RSPO3: variants seen among roughly 807,000 people sequenced by gnomAD.
RSPO3 encodes R-spondin 3, also known as R-spondin-3.
Under a neutral mutation model 36.5 loss-of-function variants are expected in RSPO3, and 17 were observed. The observed-to-expected ratio is 0.47, with a 90% CI of 0.32 to 0.70. RSPO3 has a LOEUF of 0.70. Ranked by LOEUF, RSPO3 falls within the 30% of genes least tolerant of loss-of-function variation. The probability of loss-of-function intolerance (pLI) is 0.04; values close to 1 mark genes in which losing one functional copy is unlikely to be tolerated. For synonymous variants in RSPO3, 108 were observed against 107.0 expected (o/e 1.01, Z -0.06); for missense variants, 294 against 322.5 (o/e 0.91, Z 0.68).
At chr6:127,124,562 GT>G (rs34997338) in intron 1 of RSPO3, among the ~76,000 whole-genome samples, 71,888 of 148,528 alleles carry the variant, frequency 0.48, 17,118 homozygotes, top group East Asian at 0.53. Context: ...AAATTGCACA[GT>G]TTTTTTTTTT....
At position 127,199,034 on chromosome 6, in the gene RSPO3, C is replaced by T. The variant is rs748878804; in HGVS notation, c.*3027C>T. Reference sequence around the variant, plus strand: ...GAAGAAAAAGCATATATAAATACAGCTAAAAACAAGAATAGATATTCATTC... The same window carrying T: ...GAAGAAAAAGCATATATAAATACAGTTAAAAACAAGAATAGATATTCATTC... On this transcript the variant is annotated 3_prime_UTR_variant, in exon 5 of 5. Transcript: ENST00000356698. 5.3e-5 allele frequency among the ~76,000 whole-genome samples: 8 copies of T among 152,126 alleles called. No homozygotes were observed. Among genetic ancestry groups the T allele is most frequent in the Non-Finnish European group, 7.4e-5 (5 of 68,026 alleles).
At position 127,197,522 on chromosome 6, in the gene RSPO3, G is replaced by A; in HGVS notation, c.*1515G>A. On this transcript the variant is annotated 3_prime_UTR_variant, in exon 5 of 5. Transcript: ENST00000356698. ...GAGGTATCTCTGAGTGTGCAGCACA[G>A]AATCGCATGACCCACCTTAACCTTC... 4 of 1,550,376 alleles carry A rather than the reference G, an allele frequency of 2.6e-6. No individual in the cohort carries two copies. The highest frequency in any genetic ancestry group is 3.5e-6 in the Non-Finnish European group (4 of 1,146,896).
rs1219879606 is a variant in RSPO3 at position 127,198,970 on chromosome 6, G to C, written c.*2963G>C. ...CTCTAATGTTATTGAATTAAAAGCT[G>C]TTCACATTAGTGGTTATTAAATATT... On this transcript the variant is annotated 3_prime_UTR_variant, in exon 5 of 5. Transcript: ENST00000356698. Among the ~76,000 whole-genome samples, 1 of 151,638 alleles carries C rather than the reference G, an allele frequency of 6.6e-6. No individual in the cohort carries two copies. The highest frequency in any genetic ancestry group is 6.5e-5 in the Admixed American group (1 of 15,274).
At chr6:127,139,005 A>T (rs1774215313) in intron 1 of RSPO3, among the ~76,000 whole-genome samples, 1 of 152,150 alleles carries the variant, frequency 6.6e-6, no homozygotes, top group Non-Finnish European at 1.5e-5. Context: ...GCAGGGAGCC[A>T]TGCACATAAG....
intron 4 of RSPO3, among the ~76,000 whole-genome samples, chr6:127,172,729 T>C (rs1021813004): frequency 6.6e-6 from 1 of 151,944 alleles, no homozygotes; most frequent in Middle Eastern, 3.4e-3. Flanking sequence ...TACATAATTA[T>C]CTCATTTAAA....
chr6:127,121,168 C>CAGAGG (rs1562238005), intron 1 of RSPO3, among the ~76,000 whole-genome samples: 1 of 152,178 alleles, frequency 6.6e-6, no homozygotes, highest in Non-Finnish European at 1.5e-5. Context: ...TACTGAGTGT[C>CAGAGG]AGAGGCGTCT....
intron 3 of RSPO3, among the ~76,000 whole-genome samples, chr6:127,154,026 G>A (rs1483238730): frequency 1.3e-5 from 2 of 152,136 alleles, no homozygotes; most frequent in Non-Finnish European, 2.9e-5. Context: ...ATAAAGTCAT[G>A]TATTTAATCA....
chr6:127,167,514 G>T (rs1244799826), intron 4 of RSPO3, among the ~76,000 whole-genome samples: 1 of 151,792 alleles, frequency 6.6e-6, no homozygotes, highest in Non-Finnish European at 1.5e-5. Flanking sequence ...TCTTAATCCA[G>T]TCTATCATTG....
chr6:127,128,566 T>C (rs1354668084), intron 1 of RSPO3, among the ~76,000 whole-genome samples: 1 of 152,078 alleles, frequency 6.6e-6, no homozygotes, highest in African/African-American at 2.4e-5. Context: ...ATGCCAGTTT[T>C]GGGAAGGCTA....
chr6:127,173,744 G>A (rs1236656618), intron 4 of RSPO3, among the ~76,000 whole-genome samples: 1 of 151,836 alleles, frequency 6.6e-6, no homozygotes, highest in Non-Finnish European at 1.5e-5. Context: ...GAAAGCAGAT[G>A]CAGCATGACT....
intron 4 of RSPO3, among the ~76,000 whole-genome samples, chr6:127,158,145 ACTTTAT>A (rs56041284): frequency 0.46 from 69,595 of 150,982 alleles, 16,200 homozygotes; most frequent in East Asian, 0.52. Context: ...TTAGTAGAGG[ACTTTAT>A]CTTTATATTT....
At chr6:127,157,324 A>T (rs1336746070) in intron 4 of RSPO3, among the ~76,000 whole-genome samples, 2 of 152,240 alleles carry the variant, frequency 1.3e-5, no homozygotes, top group East Asian at 3.9e-4. Context: ...CTTTTAAAAT[A>T]TAAATGAAGA....
At chr6:127,124,335 A>C (rs996290892) in intron 1 of RSPO3, among the ~76,000 whole-genome samples, 4 of 152,054 alleles carry the variant, frequency 2.6e-5, no homozygotes, top group African/African-American at 9.7e-5. Context: ...TGAATTCTTG[A>C]AATGCCATCA....
intron 4 of RSPO3, among the ~76,000 whole-genome samples, chr6:127,180,797 T>C (rs1166413485): frequency 6.6e-6 from 1 of 151,846 alleles, no homozygotes; most frequent in East Asian, 1.9e-4. Flanking sequence ...TAATTATTTT[T>C]ATTTTAGGGA....
intron 4 of RSPO3, among the ~76,000 whole-genome samples, chr6:127,160,971 A>G (rs1316316644): frequency 2.0e-5 from 3 of 151,910 alleles, no homozygotes; most frequent in South Asian, 4.2e-4. Context: ...CTCCTTAGCT[A>G]TATTACTCAA....
intron 4 of RSPO3, among the ~76,000 whole-genome samples, chr6:127,160,047 CT>C: frequency 6.6e-6 from 1 of 152,270 alleles, no homozygotes; most frequent in South Asian, 2.1e-4. Context: ...TTTCCCTCCA[CT>C]AAAATTAATT....
intron 4 of RSPO3, among the ~76,000 whole-genome samples, chr6:127,160,673 G>T (rs189420415): frequency 5.9e-4 from 90 of 152,282 alleles, no homozygotes; most frequent in African/African-American, 2.1e-3. Context: ...CTATGGAAAG[G>T]GGTGGTAACT....
chr6:127,173,489 T>A (rs970163283), intron 4 of RSPO3, among the ~76,000 whole-genome samples: 3 of 151,880 alleles, frequency 2.0e-5, no homozygotes, highest in African/African-American at 4.8e-5. Context: ...TTGTTAAAAT[T>A]AATACTTAAT....
rs1289167216 is a variant in RSPO3 at position 127,198,911 on chromosome 6, T to C, written c.*2904T>C. Among the ~76,000 whole-genome samples, 1 of 152,244 alleles carries C rather than the reference T, an allele frequency of 6.6e-6. No individual in the cohort carries two copies. Among genetic ancestry groups the C allele is most frequent in the Non-Finnish European group, 1.5e-5 (1 of 68,034 alleles). The stretch of plus-strand genomic sequence containing the variant: ...TGCTTTTCTCAAAAGTGAAAATGTA[T>C]AGGCTCTCAGAGGAGACAGATTTAA... On this transcript the variant is annotated 3_prime_UTR_variant, in exon 5 of 5. Coordinates refer to ENST00000356698, the MANE Select transcript of RSPO3 (RefSeq NM_032784.5).
Sources: allele counts gnomAD v4.1 joint callset (sites outside exome capture counted in the v4.1 genomes callset), GRCh38; gene constraint gnomAD v4.1.1; transcripts MANE v1.5; gene names NCBI Gene and HGNC (gene_info 2026-07-23, HGNC 2026-07-21).